The following MROH1 variants were observed in gnomAD, a reference collection of about 807,000 sequenced individuals.
MROH1 encodes the protein maestro heat like repeat family member 1.
MROH1 carries 117 observed loss-of-function variants against 116.5 expected under a neutral mutation model. The ratio of observed to expected loss-of-function variants is 1.00; its 90% CI spans 0.86 to 1.17. The LOEUF is 1.17. MROH1 is among the 50% of genes most tolerant of loss of function. The pLI is 0.00. For synonymous variants in MROH1, 921 were observed against 583.9 expected, an observed-to-expected ratio of 1.58 and a Z score of -8.32; for missense variants, 1,873 against 1,338.5, an observed-to-expected ratio of 1.40 and a Z score of -6.23.
At chr8:144,193,549 A>G (rs2131632292) in intron 10 of MROH1, among the ~76,000 whole-genome samples, 1 of 152,350 alleles carries the variant, frequency 6.6e-6, no homozygotes, top group South Asian at 2.1e-4. Flanking sequence ...TTTTGCATAA[A>G]GTAGCAGGTT....
intron 15 of MROH1, 66 bp from the exon 16 acceptor site, chr8:144,238,969 G>T: frequency 1.3e-6 from 1 of 771,166 alleles, no homozygotes. Context: ...TTGGAGCTCC[G>T]GCAGGGCCCT....
intron 8 of MROH1, among the ~76,000 whole-genome samples, chr8:144,191,504 C>G (rs113880889): frequency 0.02 from 3,059 of 152,294 alleles, 89 homozygotes; most frequent in African/African-American, 0.068. Flanking sequence ...CACTGAGCAT[C>G]TCCTACAAAC....
intron 35 of MROH1, among the ~76,000 whole-genome samples, chr8:144,256,022 G>A (rs1046438918): frequency 9.9e-4 from 150 of 152,222 alleles, no homozygotes; most frequent in African/African-American, 3.4e-3. Flanking sequence ...CCTTCTCCTG[G>A]GAGTGGAGTT....
chr8:144,149,563 C>T (rs1816232950), intron 1 of MROH1, among the ~76,000 whole-genome samples: 4 of 152,032 alleles, frequency 2.6e-5, no homozygotes, highest in Non-Finnish European at 1.5e-5. Context: ...CACAGAGGCC[C>T]AGGAGAGAAG....
intron 10 of MROH1, chr8:144,192,605 G>T: frequency 1.4e-6 from 1 of 699,608 alleles, no homozygotes; most frequent in Non-Finnish European, 2.6e-6. Flanking sequence ...ACATGCAGGT[G>T]ACATAGCAGC....
intron 14 of MROH1, among the ~76,000 whole-genome samples, chr8:144,234,891 C>CTTTTTTTTTTTT (rs781998549): frequency 6.2e-4 from 64 of 103,506 alleles, no homozygotes; most frequent in East Asian, 8.7e-4. Flanking sequence ...CTTTTTCTTT[C>CTTTTTTTTTTTT]TTTTTTTTTT....
In MROH1 at chr8:144,182,800, G is replaced by A. The variant is rs1419611060; in HGVS notation, c.562+2277G>A. On this transcript the variant is annotated intron_variant, in intron 7 of 43. Transcript: ENST00000326134. The surrounding 1 kb of genome is among the most constrained non-coding windows in gnomAD (Gnocchi z 4.1). ...ACGCAAAGGCATGCCCTAGTGGCCG[G>A]GTGCGGTGGCTCATGCCTGTAATCC... is the stretch of plus-strand genomic sequence containing the variant. Among the ~76,000 whole-genome samples, 1 of 152,182 alleles carries A rather than the reference G, an allele frequency of 6.6e-6. No homozygotes were observed. Among genetic ancestry groups the A allele is most frequent in the Admixed American group, 6.5e-5 (1 of 15,272 alleles).
At chr8:144,215,932 A>G (rs1350510452) in intron 12 of MROH1, among the ~76,000 whole-genome samples, 1 of 151,756 alleles carries the variant, frequency 6.6e-6, no homozygotes. Flanking sequence ...CACGCCTGTA[A>G]TCCCAGCACT....
chr8:144,198,084 A>G (rs1830350607), intron 10 of MROH1, among the ~76,000 whole-genome samples: 1 of 151,280 alleles, frequency 6.6e-6, no homozygotes, highest in Non-Finnish European at 1.5e-5. Flanking sequence ...ATAAATAACA[A>G]GGAGCTACCT....
Position 144,223,202 on chromosome 8 carries a change from A to G in MROH1, c.1310A>G (p.Gln437Arg). 6.2e-7 allele frequency: 1 copy of G among 1,609,924 alleles called. No individual in the cohort carries two copies. The highest frequency in any genetic ancestry group is 1.7e-4 in the Middle Eastern group (1 of 6,046). The change falls in exon 14 of 44, where the codon CAG becomes CGG. Residue 437 changes from glutamine (Q) to arginine (R), a missense_variant. Gln to Arg is a conservative substitution (Grantham distance 43). Transcript: ENST00000326134. Reference protein sequence around the residue: ...GGEAMIEYIVQQCALPPEQEP... With the variant: ...GGEAMIEYIVRQCALPPEQEP... ...GAGGCGATGATCGAGTACATCGTGC[A>G]GCAGTGCGCGCTGCCCCCCGAGCAG...
At chr8:144,218,651 C>T (rs1032409618) in intron 12 of MROH1, among the ~76,000 whole-genome samples, 1 of 133,844 alleles carries the variant, frequency 7.5e-6, no homozygotes, top group Admixed American at 7.6e-5. Flanking sequence ...CTTTACCATC[C>T]TCCCCTCCTC....
chr8:144,202,282 C>T (rs1218690742), intron 12 of MROH1, among the ~76,000 whole-genome samples: 2 of 150,018 alleles, frequency 1.3e-5, no homozygotes, highest in Non-Finnish European at 3.0e-5. Context: ...GGGGAGAGCC[C>T]GCTCTCTGTG....
chr8:144,151,733 C>T (rs2130483770), intron 1 of MROH1, among the ~76,000 whole-genome samples: 1 of 152,346 alleles, frequency 6.6e-6, no homozygotes, highest in South Asian at 2.1e-4. Flanking sequence ...CACACGCCCA[C>T]TGGGGCTTCA....
chr8:144,178,334 A>T (rs1475388911), intron 4 of MROH1, among the ~76,000 whole-genome samples: 7 of 149,104 alleles, frequency 4.7e-5, no homozygotes, highest in African/African-American at 1.7e-4. Flanking sequence ...GTTTCACCAT[A>T]TTGGCCAGGC....
intron 4 of MROH1, among the ~76,000 whole-genome samples, chr8:144,168,920 C>A (rs1315469362): frequency 6.6e-6 from 1 of 152,242 alleles, no homozygotes; most frequent in Non-Finnish European, 1.5e-5. Context: ...CCTTGCCTTG[C>A]TGTGCTGGAA....
intron 12 of MROH1, among the ~76,000 whole-genome samples, chr8:144,218,329 G>T (rs1309930147): frequency 6.6e-6 from 1 of 152,076 alleles, no homozygotes; most frequent in Non-Finnish European, 1.5e-5. Context: ...TTCTCCAGCA[G>T]CCTCCAAGCA....
At chr8:144,230,036 A>AAATAATAAT (rs35362416) in intron 14 of MROH1, among the ~76,000 whole-genome samples, 12 of 150,192 alleles carry the variant, frequency 8.0e-5, no homozygotes, top group East Asian at 6.0e-4. Flanking sequence ...TCTGTCTCAA[A>AAATAATAAT]AATAATAATA....
intron 1 of MROH1, among the ~76,000 whole-genome samples, chr8:144,155,856 C>T (rs1310729636): frequency 6.6e-6 from 1 of 151,854 alleles, no homozygotes; most frequent in Non-Finnish European, 1.5e-5. Context: ...TGGTCTCGAA[C>T]TCGTGACCTC....
At chr8:144,201,625 G>A (rs1019727096) in intron 12 of MROH1, among the ~76,000 whole-genome samples, 11 of 152,190 alleles carry the variant, frequency 7.2e-5, no homozygotes, top group African/African-American at 2.7e-4. Flanking sequence ...ACTGCCCCCT[G>A]TACTGAGGTT....
Sources: gnomAD v4.1 joint callset for allele counts (sites outside exome capture counted in the v4.1 genomes callset) on GRCh38, gnomAD v4.1.1 for gene constraint, Gnocchi (gnomAD v3.1) non-coding constraint, MANE v1.5 for transcripts, NCBI Gene and HGNC (gene_info 2026-07-23, HGNC 2026-07-21) for gene names.